The following COLEC12 variants were observed in gnomAD, a reference collection of about 807,000 sequenced individuals.
The protein encoded by COLEC12 is collectin subfamily member 12, also known as collectin-12.
COLEC12 carries 33 observed loss-of-function variants against 71.1 expected under a neutral mutation model. The ratio of observed to expected loss-of-function variants is 0.46; its 90% CI spans 0.35 to 0.62. The LOEUF (loss-of-function observed/expected upper bound fraction) is 0.62. COLEC12 is among the 20% of genes least tolerant of loss of function. The probability of loss-of-function intolerance (pLI) is 0.00; values close to 1 mark genes in which losing one functional copy is unlikely to be tolerated. For synonymous variants in COLEC12, 350 were observed against 353.0 expected (o/e 0.99, Z 0.10); for missense variants, 765 against 916.1 (o/e 0.84, Z 2.13).
Position 480,662 on chromosome 18 carries a change from C to A in COLEC12, c.58+45G>T. 6.4e-7 allele frequency: 1 copy of A among 1,570,844 alleles called. No homozygotes were observed. The highest frequency in any genetic ancestry group is 8.8e-7 in the Non-Finnish European group (1 of 1,140,552). ...GGTCTCTGAGGGTTCGTGGCTGCAT[C>A]CCAGGTTGACCACTGAGAAGGAACA... On this transcript the variant is annotated intron_variant, in intron 2 of 9. Coordinates refer to ENST00000400256, the MANE Select transcript of COLEC12 (RefSeq NM_130386.3). This position sits in a 1 kb window ranked among gnomAD's most constrained non-coding sequence, Gnocchi z 4.1.
chr18:449,027 A>G (rs1020455600), intron 2 of COLEC12, among the ~76,000 whole-genome samples: 1 of 152,138 alleles, frequency 6.6e-6, no homozygotes, highest in Non-Finnish European at 1.5e-5. Flanking sequence ...AGGGGAATAA[A>G]TACTGTTTGC....
At chr18:455,156 G>A (rs1007159001) in intron 2 of COLEC12, among the ~76,000 whole-genome samples, 1 of 152,150 alleles carries the variant, frequency 6.6e-6, no homozygotes, top group Non-Finnish European at 1.5e-5. Context: ...CTCCATGGCC[G>A]CATTGTGGCT....
chr18:390,098 T>C (rs1393118762), intron 2 of COLEC12, among the ~76,000 whole-genome samples: 1 of 152,212 alleles, frequency 6.6e-6, no homozygotes, highest in Non-Finnish European at 1.5e-5. Flanking sequence ...TGAGACTTAT[T>C]TCACAGTGCC....
intron 5 of COLEC12, among the ~76,000 whole-genome samples, chr18:341,456 T>G (rs2143457227): frequency 6.6e-6 from 1 of 152,278 alleles, no homozygotes; most frequent in South Asian, 2.1e-4. Flanking sequence ...AGAAAATGAG[T>G]GAAAGCTAGC....
chr18:431,672 G>A (rs945585805), intron 2 of COLEC12, among the ~76,000 whole-genome samples: 3 of 152,196 alleles, frequency 2.0e-5, no homozygotes, highest in South Asian at 2.1e-4. Context: ...TGGGTGGAGA[G>A]GTCCAGCAAT....
chr18:426,505 A>C (rs912697136), intron 2 of COLEC12, among the ~76,000 whole-genome samples: 1 of 152,190 alleles, frequency 6.6e-6, no homozygotes, highest in South Asian at 2.1e-4. Context: ...CTATGGAAGA[A>C]GCCAGTTTTG....
chr18:444,254 A>G (rs577369059), intron 2 of COLEC12, among the ~76,000 whole-genome samples: 1 of 152,340 alleles, frequency 6.6e-6, no homozygotes, highest in Admixed American at 6.5e-5. Context: ...TGATACATTC[A>G]ATAGTATTAT....
intron 2 of COLEC12, among the ~76,000 whole-genome samples, chr18:425,331 C>T (rs1160745964): frequency 2.0e-5 from 3 of 152,200 alleles, no homozygotes; most frequent in Non-Finnish European, 2.9e-5. Flanking sequence ...CTTTTCCAGG[C>T]TGGGCAGCTG....
chr18:435,925 T>C (rs1314848859), intron 2 of COLEC12, among the ~76,000 whole-genome samples: 1 of 152,206 alleles, frequency 6.6e-6, no homozygotes, highest in African/African-American at 2.4e-5. Context: ...AGACGGCATT[T>C]CTGGCAGTCA....
intron 2 of COLEC12, among the ~76,000 whole-genome samples, chr18:413,865 A>T (rs568166246): frequency 6.6e-6 from 1 of 152,362 alleles, no homozygotes; most frequent in East Asian, 1.9e-4. Context: ...ATCTCTAGAC[A>T]ATTATGCTCA....
intron 1 of COLEC12, among the ~76,000 whole-genome samples, chr18:492,794 A>G (rs1025169025): frequency 1.3e-5 from 2 of 152,216 alleles, no homozygotes; most frequent in Non-Finnish European, 2.9e-5. Flanking sequence ...ATTATGCCAA[A>G]GCAATATACT....
chr18:442,766 C>T (rs1440553748), intron 2 of COLEC12, among the ~76,000 whole-genome samples: 1 of 152,224 alleles, frequency 6.6e-6, no homozygotes, highest in Admixed American at 6.5e-5. Context: ...TCGAGACCAT[C>T]CTGGCTAACA....
intron 2 of COLEC12, among the ~76,000 whole-genome samples, chr18:440,467 C>T (rs1916497122): frequency 6.6e-6 from 1 of 151,980 alleles, no homozygotes; most frequent in Non-Finnish European, 1.5e-5. Flanking sequence ...ACATTGTATA[C>T]ATAAATCAGC....
At chr18:405,911 CTGGGCTGCATTCCTGACGGT>C (rs1915776336) in intron 2 of COLEC12, among the ~76,000 whole-genome samples, 1 of 152,042 alleles carries the variant, frequency 6.6e-6, no homozygotes, top group Non-Finnish European at 1.5e-5. Flanking sequence ...CTGAGACCTA[CTGGGCTGCATTCCTGACGGT>C]TAAGGACTTC....
intron 2 of COLEC12, among the ~76,000 whole-genome samples, chr18:436,548 G>A (rs1171524564): frequency 2.7e-5 from 4 of 149,682 alleles, no homozygotes; most frequent in Admixed American, 6.7e-5. Flanking sequence ...GGAAACAGGG[G>A]TGGCTTTCTG....
Position 441,116 on chromosome 18 carries a change from C to T in COLEC12, c.58+39591G>A, listed in dbSNP as rs188343749. Among the ~76,000 whole-genome samples the T allele has an allele frequency of 7.0e-5, 3 of 42,906 alleles. 1 individual carries two copies. Among genetic ancestry groups the T allele is most frequent in the East Asian group, 2.1e-3 (2 of 968 alleles). 28.1% of individuals were successfully genotyped at this position (42,906 alleles called of 152,430 possible). ...ACAAAAAATTGGCCAGGCGTGGTGG[C>T]GGGCGCCTGTAGTCCCAGCTGCTGG... On this transcript the variant is annotated intron_variant, in intron 2 of 9. Transcript: ENST00000400256.
At chr18:448,703 T>G (rs1916700370) in intron 2 of COLEC12, among the ~76,000 whole-genome samples, 1 of 152,132 alleles carries the variant, frequency 6.6e-6, no homozygotes, top group Non-Finnish European at 1.5e-5. Flanking sequence ...AAGCATAAAT[T>G]AGAGCAATTA....
intron 2 of COLEC12, among the ~76,000 whole-genome samples, chr18:421,673 C>T (rs1010237485): frequency 2.0e-5 from 3 of 152,140 alleles, no homozygotes; most frequent in African/African-American, 7.2e-5. Context: ...GACTCTGCCA[C>T]CCAGACTGAA....
intron 3 of COLEC12, among the ~76,000 whole-genome samples, chr18:355,808 T>C (rs1171301902): frequency 1.3e-5 from 2 of 152,210 alleles, no homozygotes; most frequent in African/African-American, 2.4e-5. Flanking sequence ...ACCTGGGACA[T>C]GGAAAACCCT....
Sources: allele counts gnomAD v4.1 joint callset (sites outside exome capture counted in the v4.1 genomes callset), GRCh38; gene constraint gnomAD v4.1.1; non-coding constraint Gnocchi (gnomAD v3.1); transcripts MANE v1.5; gene names NCBI Gene and HGNC (gene_info 2026-07-23, HGNC 2026-07-21).